The following HS3ST3A1 variants were observed in gnomAD, a reference collection of about 807,000 sequenced individuals.
HS3ST3A1 encodes the protein heparan sulfate-glucosamine 3-sulfotransferase 3A1.
A neutral mutation model predicts 25.7 loss-of-function variants in HS3ST3A1; 19 were observed. The ratio of observed to expected loss-of-function variants is 0.74; its 90% confidence interval spans 0.52 to 1.08. The LOEUF is 1.08. HS3ST3A1 is among the 50% of genes least tolerant of loss of function. HS3ST3A1 has a pLI of 0.00. For synonymous variants in HS3ST3A1, 226 were observed against 278.6 expected (o/e 0.81, Z 1.88); for missense variants, 459 against 594.3 (o/e 0.77, Z 2.37).
At chr17:13,517,943 C>A (rs11868901) in intron 1 of HS3ST3A1, among the ~76,000 whole-genome samples, 130 of 152,114 alleles carry the variant, frequency 8.5e-4, no homozygotes, top group African/African-American at 2.9e-3. Context: ...TGTGCCTGGC[C>A]GTAAATTTAT....
intron 1 of HS3ST3A1, among the ~76,000 whole-genome samples, chr17:13,591,048 C>CTTTTTTTTT (rs552742240): frequency 7.3e-6 from 1 of 136,668 alleles, no homozygotes; most frequent in African/African-American, 2.8e-5. Flanking sequence ...TTTTTCTTTT[C>CTTTTTTTTT]TTTTTTTTTT....
chr17:13,599,900 TC>T (rs1220930065), intron 1 of HS3ST3A1, among the ~76,000 whole-genome samples: 4 of 152,244 alleles, frequency 2.6e-5, no homozygotes, highest in Non-Finnish European at 5.9e-5. Flanking sequence ...TTTACAAAAC[TC>T]ATTCCTTGCC....
At chr17:13,600,365 C>T (rs1446383227) in intron 1 of HS3ST3A1, among the ~76,000 whole-genome samples, 166 bp downstream of exon 1, 1 of 149,970 alleles carries the variant, frequency 6.7e-6, no homozygotes, top group Non-Finnish European at 1.5e-5. Context: ...ACATCCACTT[C>T]CCAGGAAGGA....
intron 1 of HS3ST3A1, among the ~76,000 whole-genome samples, chr17:13,548,510 A>C (rs1179653502): frequency 6.6e-6 from 1 of 152,174 alleles, no homozygotes; most frequent in East Asian, 1.9e-4. Context: ...CATGTGTCTT[A>C]ATATCTTAGA....
At chr17:13,526,714 C>A (rs1445078866) in intron 1 of HS3ST3A1, among the ~76,000 whole-genome samples, 1 of 151,640 alleles carries the variant, frequency 6.6e-6, no homozygotes, top group Admixed American at 6.6e-5. Context: ...ATGGCATGAT[C>A]TCGGCTTACA....
chr17:13,525,704 C>T (rs531292386), intron 1 of HS3ST3A1, among the ~76,000 whole-genome samples: 6 of 152,240 alleles, frequency 3.9e-5, no homozygotes, highest in South Asian at 2.1e-4. Flanking sequence ...TTCTTCTAAA[C>T]GACTGAGTTT....
intron 1 of HS3ST3A1, among the ~76,000 whole-genome samples, chr17:13,561,064 G>A (rs1907534335): frequency 4.6e-5 from 7 of 152,120 alleles, no homozygotes; most frequent in Admixed American, 4.6e-4. Flanking sequence ...ATTCCTCGAT[G>A]GATGTTAGAG....
At chr17:13,596,011 G>A (rs1221744863) in intron 1 of HS3ST3A1, among the ~76,000 whole-genome samples, 2 of 152,112 alleles carry the variant, frequency 1.3e-5, no homozygotes, top group Non-Finnish European at 2.9e-5. Context: ...ATACAGATTT[G>A]GCACTTATTC....
At chr17:13,498,449 G>A (rs1057336476) in intron 1 of HS3ST3A1, among the ~76,000 whole-genome samples, 4 of 152,118 alleles carry the variant, frequency 2.6e-5, no homozygotes, top group South Asian at 2.1e-4. Flanking sequence ...CATACAGATC[G>A]GAACTCCTTT....
Position 13,565,474 on chromosome 17 carries a change from G to C in HS3ST3A1, c.599+35057C>G, listed in dbSNP as rs538020746. Among the ~76,000 whole-genome samples the C allele has an allele frequency of 2.6e-5, 4 of 152,326 alleles. No individual in the cohort carries two copies. In the South Asian group the frequency reaches 8.3e-4, roughly 32 times the overall value. ...TTGAGCCTGGGAGGTCAAGGCTGCA[G>C]TGAGCTGTGATCGTGCCACTGCACT... On this transcript the variant is annotated intron_variant, in intron 1 of 1. Transcript: ENST00000284110.
chr17:13,497,019 T>C (rs1905306535), intron 1 of HS3ST3A1, among the ~76,000 whole-genome samples: 1 of 152,138 alleles, frequency 6.6e-6, no homozygotes, highest in Non-Finnish European at 1.5e-5. Flanking sequence ...ATATTACCCA[T>C]TGCATACAGT....
At chr17:13,572,437 AT>A (rs1907840913) in intron 1 of HS3ST3A1, among the ~76,000 whole-genome samples, 1 of 152,118 alleles carries the variant, frequency 6.6e-6, no homozygotes, top group African/African-American at 2.4e-5. Context: ...AAAACAATGC[AT>A]TTGGAAATTG....
chr17:13,543,722 G>T (rs909030314), intron 1 of HS3ST3A1: 1 of 154,576 alleles, frequency 6.5e-6, no homozygotes, highest in African/African-American at 2.4e-5. Flanking sequence ...TTGTCTCAAT[G>T]ATAAAAAAGG....
chr17:13,528,758 G>A (rs1292964146), intron 1 of HS3ST3A1, among the ~76,000 whole-genome samples: 1 of 152,170 alleles, frequency 6.6e-6, no homozygotes, highest in Non-Finnish European at 1.5e-5. Context: ...GTGAAGTCAT[G>A]AAGGAAACTG....
chr17:13,558,836 G>A (rs1055551699), intron 1 of HS3ST3A1, among the ~76,000 whole-genome samples: 2 of 152,064 alleles, frequency 1.3e-5, no homozygotes, highest in South Asian at 2.1e-4. Context: ...AAATGTTTAC[G>A]AAATGCCAGT....
chr17:13,539,490 G>C (rs1906867506), intron 1 of HS3ST3A1, among the ~76,000 whole-genome samples: 1 of 152,182 alleles, frequency 6.6e-6, no homozygotes, highest in South Asian at 2.1e-4. Context: ...TCACTTCACA[G>C]GTTAGAGACA....
chr17:13,576,691 C>T (rs774715803), intron 1 of HS3ST3A1, among the ~76,000 whole-genome samples: 12 of 152,188 alleles, frequency 7.9e-5, no homozygotes, highest in Non-Finnish European at 1.0e-4. Context: ...TTTAATAACA[C>T]CTAACATCTG....
intron 1 of HS3ST3A1, among the ~76,000 whole-genome samples, chr17:13,533,102 T>G (rs1367396770): frequency 6.6e-6 from 1 of 152,066 alleles, no homozygotes; most frequent in Non-Finnish European, 1.5e-5. Context: ...TTAAATTGAA[T>G]AGAATATGTC....
At chr17:13,522,397 G>T (rs1476846641) in intron 1 of HS3ST3A1, among the ~76,000 whole-genome samples, 1 of 151,930 alleles carries the variant, frequency 6.6e-6, no homozygotes, top group Non-Finnish European at 1.5e-5. Context: ...AATTTAATAT[G>T]GTTTTCTTTC....
Sources: gnomAD v4.1 joint callset for allele counts (sites outside exome capture counted in the v4.1 genomes callset) on GRCh38, gnomAD v4.1.1 for gene constraint, MANE v1.5 for transcripts, NCBI Gene and HGNC (gene_info 2026-07-23, HGNC 2026-07-21) for gene names.